MYH10: variants seen among roughly 807,000 people sequenced by gnomAD.
The protein encoded by MYH10 is myosin heavy chain 10.
Under a neutral mutation model 257.8 loss-of-function variants are expected in MYH10, and 55 were observed. That is an observed-to-expected ratio of 0.21 (90% CI 0.17 to 0.27). MYH10 has a LOEUF of 0.27. Among genes scored for constraint, MYH10 ranks in the 10% least tolerant of loss-of-function variants. The pLI is 1.00. For synonymous variants in MYH10, 854 were observed against 921.7 expected, an observed-to-expected ratio of 0.93 and a Z score of 1.33; for missense variants, 1,631 against 2,500.6, an observed-to-expected ratio of 0.65 and a Z score of 7.42.
Position 8,480,467 on chromosome 17 carries a change from C to G in MYH10, c.5323G>C (p.Glu1775Gln). ...LEARIAQLEE[E>Q]LEEEQSNMEL... ...ATGTTGCTCTGCTCCTCTTCCAGCT[C>G]CTCCTCCAGCTGTGCGATCCGAGCT... The change falls in exon 39 of 43, where the codon GAG (glutamate) becomes CAG (glutamine). Residue 1775 changes from glutamate to glutamine, a missense_variant. Around this residue, in one of 11 missense-constraint regions of MYH10, gnomAD observed 343 missense variants for 389.5 expected, o/e 0.88. Coordinates refer to ENST00000360416, the MANE Select transcript of MYH10 (RefSeq NM_001256012.3). The G allele has an allele frequency of 6.2e-6, 10 of 1,612,508 alleles. No individual in the cohort carries two copies. Among genetic ancestry groups the G allele is most frequent in the Non-Finnish European group, 8.5e-6 (10 of 1,179,952 alleles).
chr17:8,584,881 T>C (rs898465131), intron 4 of MYH10, among the ~76,000 whole-genome samples: 1 of 152,190 alleles, frequency 6.6e-6, no homozygotes, highest in Non-Finnish European at 1.5e-5. Context: ...TTCGCTCTTA[T>C]TGCCCAGGCT....
chr17:8,575,432 T>C (rs536631247), intron 6 of MYH10, among the ~76,000 whole-genome samples: 34 of 152,322 alleles, frequency 2.2e-4, no homozygotes, highest in African/African-American at 7.7e-4. Flanking sequence ...CCTTCTTTAA[T>C]TGGCAAAGAA....
chr17:8,475,666 C>T lies in MYH10; in HGVS notation c.*138G>A. The T allele has an allele frequency of 5.2e-6, 5 of 965,718 alleles. No individual in the cohort carries two copies. The highest frequency in any genetic ancestry group is 7.8e-6 in the Non-Finnish European group (5 of 639,722). The allele number at this position is 965,718 out of a possible 1,614,324, so 59.8% of individuals were successfully genotyped here. On this transcript the variant is annotated 3_prime_UTR_variant, in exon 43 of 43. Coordinates refer to ENST00000360416, the MANE Select transcript of MYH10 (RefSeq NM_001256012.3). ...TAAGTCTGAAGCAGGATACAGTATG[C>T]ATAGGCTGGAGAGCCTTAAGACACA...
chr17:8,576,509 AT>A lies in MYH10; in HGVS notation c.663+133del, dbSNP rs2083502343. 12 of 860,230 alleles carry A rather than the reference AT, an allele frequency of 1.4e-5. No homozygotes were observed. In the East Asian group the frequency reaches 3.3e-4, roughly 23 times the overall value. 53.3% of individuals were successfully genotyped at this position (860,230 alleles called of 1,614,324 possible). ...GAAAGAATAAGGCTCTAAGCAATAAATTTTCAAAATTAAAATTTTTTAATGA... is the reference window on the plus strand; with the variant it reads ...GAAAGAATAAGGCTCTAAGCAATAAATTTCAAAATTAAAATTTTTTAATGA... On this transcript the variant is annotated intron_variant, in intron 6 of 42. Coordinates refer to ENST00000360416, the MANE Select transcript of MYH10 (RefSeq NM_001256012.3).
intron 2 of MYH10, among the ~76,000 whole-genome samples, chr17:8,622,616 A>T (rs967887808): frequency 6.6e-6 from 1 of 152,178 alleles, no homozygotes; most frequent in Non-Finnish European, 1.5e-5. Context: ...TTCCTGTTAC[A>T]TGCTCTCTCC....
chr17:8,587,607 T>C (rs1346550651), intron 4 of MYH10, among the ~76,000 whole-genome samples: 2 of 152,100 alleles, frequency 1.3e-5, no homozygotes, highest in African/African-American at 4.8e-5. Flanking sequence ...AGGACCTCAC[T>C]GTGCCCAGAC....
At chr17:8,567,508 G>A (rs1597848681) in intron 7 of MYH10, among the ~76,000 whole-genome samples, 1 of 152,180 alleles carries the variant, frequency 6.6e-6, no homozygotes, top group South Asian at 2.1e-4. Flanking sequence ...CTGTGTTGAA[G>A]TCCTAACCCC....
At chr17:8,625,853 C>T (rs1205639496) in intron 1 of MYH10, among the ~76,000 whole-genome samples, 4 of 152,302 alleles carry the variant, frequency 2.6e-5, no homozygotes, top group Middle Eastern at 6.8e-3. Flanking sequence ...ACACATTTGA[C>T]AACCATTGCT....
rs753298336 is a variant in MYH10, at chr17:8,476,978, C to A, written c.5777G>T (p.Arg1926Leu). 6.2e-7 allele frequency: 1 copy of A among 1,614,178 alleles called. No homozygotes were observed. The highest frequency in any genetic ancestry group is 1.1e-5 in the South Asian group (1 of 91,088). ...GAGTTTACGCCGAGATGCGTTGGCA[C>A]GCGTCGCTTCTTCTTCTGCTTCCTC... is the stretch of plus-strand genomic sequence containing the variant. Reference protein sequence around the residue: ...QLEEAEEEATRANASRRKLQR... With the variant: ...QLEEAEEEATLANASRRKLQR... Residue 1926 changes from arginine to leucine, a missense_variant, in exon 42 of 43, where the codon CGT becomes CTT. Physicochemically the swap from Arg to Leu is moderately radical, Grantham distance 102 (BLOSUM62 -2). Coordinates refer to ENST00000360416, the MANE Select transcript of MYH10 (RefSeq NM_001256012.3).
Position 8,610,270 on chromosome 17 carries a change from G to GAAAAAAAAAAA in MYH10, c.346-5289_346-5288insTTTTTTTTTTT, listed in dbSNP as rs1567977649. 2.5e-4 allele frequency among the ~76,000 whole-genome samples: 2 copies of GAAAAAAAAAAA among 8,018 alleles called. 1 individual carries two copies. Among genetic ancestry groups the GAAAAAAAAAAA allele is most frequent in the African/African-American group, 5.6e-3 (2 of 358 alleles). The allele number at this position is 8,018 out of a possible 152,430, so 5.3% of individuals were successfully genotyped here. ...AGTTTATAGGGAGCACCATAGGATT[G>GAAAAAAAAAAA]CAAAAAAAAAAAAAAAAAAAAAGGG... On this transcript the variant is annotated intron_variant, in intron 2 of 42. Transcript: ENST00000360416.
In MYH10 at chr17:8,576,689, G is replaced by C. The variant is rs1486808086; in HGVS notation, c.634-17C>G. 2 of 1,550,220 alleles carry C rather than the reference G, an allele frequency of 1.3e-6. No individual in the cohort carries two copies. The highest frequency in any genetic ancestry group is 2.7e-5 in the African/African-American group (2 of 73,008). Reference sequence around the variant, plus strand: ...CGATTCCTGCTGTTCATTACAAACAGACAAATGCAAATGTTAGCAAGTTTG... The same window carrying C: ...CGATTCCTGCTGTTCATTACAAACACACAAATGCAAATGTTAGCAAGTTTG... On this transcript the variant is annotated splice_polypyrimidine_tract_variant and intron_variant, in intron 5 of 42. Coordinates refer to ENST00000360416, the MANE Select transcript of MYH10 (RefSeq NM_001256012.3).
At chr17:8,484,108 G>T in intron 37 of MYH10, 30 bp downstream of exon 37, 1 of 1,438,620 alleles carries the variant, frequency 7.0e-7, no homozygotes, top group African/African-American at 2.1e-5. Context: ...AAATATATTT[G>T]TTGAACAAAT....
intron 23 of MYH10, 114 bp downstream of exon 23, chr17:8,513,424 T>C: frequency 6.9e-7 from 1 of 1,451,836 alleles, no homozygotes; most frequent in East Asian, 2.4e-5. Context: ...TCCCATAAAA[T>C]AAGATGATAT....
chr17:8,518,848 C>T, intron 20 of MYH10, 33 bp downstream of exon 20: 1 of 1,603,444 alleles, frequency 6.2e-7, no homozygotes, highest in Admixed American at 1.7e-5. Flanking sequence ...TAGATTAAAT[C>T]TACAAGCCAG....
Position 8,589,367 on chromosome 17 carries a change from T to C in MYH10, c.503-259A>G, listed in dbSNP as rs899298890. On this transcript the variant is annotated intron_variant, in intron 3 of 42. Coordinates refer to ENST00000360416, the MANE Select transcript of MYH10 (RefSeq NM_001256012.3). ...TCCACACATCGTTTGCCTGGATGAC[T>C]TTATATGCCTAATTAACCTTGATTC... 2.0e-4 allele frequency among the ~76,000 whole-genome samples: 30 copies of C among 152,336 alleles called. No homozygotes were observed. In the East Asian group the frequency reaches 3.5e-3, roughly 18 times the overall value.
At position 8,607,224 on chromosome 17, in the gene MYH10, T is replaced by G. The variant is rs569731513; in HGVS notation, c.346-2242A>C. 3.9e-5 allele frequency among the ~76,000 whole-genome samples: 6 copies of G among 152,282 alleles called. No individual in the cohort carries two copies. In the East Asian group the frequency reaches 5.8e-4, roughly 15 times the overall value. ...GAAGCTACAGATTATACTCTTCAAT[T>G]TTATAAAAGGCATGTAATTAGAGAC... On this transcript the variant is annotated intron_variant, in intron 2 of 42. Transcript: ENST00000360416.
intron 7 of MYH10, chr17:8,560,563 A>G (rs538413444): frequency 1.3e-5 from 10 of 790,634 alleles, no homozygotes; most frequent in Non-Finnish European, 1.6e-5. Context: ...CAAAGTTCCA[A>G]AAACAGTGGA....
At position 8,535,102 on chromosome 17, in the gene MYH10, G is replaced by A. The variant is rs1033176939; in HGVS notation, c.1894+285C>T. 2.0e-5 allele frequency among the ~76,000 whole-genome samples: 3 copies of A among 152,174 alleles called. No homozygotes were observed. The highest frequency in any genetic ancestry group is 2.4e-5 in the African/African-American group (1 of 41,428). The stretch of plus-strand genomic sequence containing the variant: ...CCTGGATTACAACTGACTTGGGACT[G>A]TGGTGGCCTAAGTCATACGTGTACG... On this transcript the variant is annotated intron_variant, in intron 16 of 42. Transcript: ENST00000360416. The surrounding 1 kb of genome is among the most constrained non-coding windows in gnomAD (Gnocchi z 4.3).
intron 9 of MYH10, among the ~76,000 whole-genome samples, 177 bp from the exon 10 acceptor site, chr17:8,548,964 T>A (rs940192764): frequency 3.3e-4 from 49 of 146,876 alleles, no homozygotes; most frequent in African/African-American, 1.2e-3. Flanking sequence ...TACATTTTTT[T>A]AATTATCTGT....
Sources: allele counts gnomAD v4.1 joint callset (sites outside exome capture counted in the v4.1 genomes callset), GRCh38; gene constraint gnomAD v4.1.1; regional missense constraint gnomAD v4.1.1; non-coding constraint Gnocchi (gnomAD v3.1); transcripts MANE v1.5; gene names NCBI Gene and HGNC (gene_info 2026-07-23, HGNC 2026-07-21).